Variants in ANO2 observed in about 807,000 individuals in gnomAD.
ANO2 encodes anoctamin-2.
Under a neutral mutation model 124.2 loss-of-function variants are expected in ANO2, and 101 were observed. The ratio of observed to expected loss-of-function variants is 0.81; its 90% CI spans 0.69 to 0.96. The LOEUF (loss-of-function observed/expected upper bound fraction) is 0.96. Ranked by LOEUF, ANO2 falls within the 40% of genes least tolerant of loss-of-function variation. The pLI is 0.00. For synonymous variants in ANO2, 486 were observed against 482.5 expected, an observed-to-expected ratio of 1.01 and a Z score of -0.09; for missense variants, 1,293 against 1,274.5, an observed-to-expected ratio of 1.01 and a Z score of -0.22.
At chr12:5,667,464 G>A (rs1452229621) in intron 14 of ANO2, among the ~76,000 whole-genome samples, 1 of 151,678 alleles carries the variant, frequency 6.6e-6, no homozygotes, top group Non-Finnish European at 1.5e-5. Flanking sequence ...TCAGCTTCTA[G>A]GATTGTATAA....
At chr12:5,700,378 T>C (rs1949353901) in intron 14 of ANO2, among the ~76,000 whole-genome samples, 1 of 152,180 alleles carries the variant, frequency 6.6e-6, no homozygotes, top group Non-Finnish European at 1.5e-5. Flanking sequence ...AATAAAGATG[T>C]TCTTTGAAAC....
chr12:5,740,740 A>G (rs1360688801), intron 12 of ANO2: 1 of 152,212 alleles, frequency 6.6e-6, no homozygotes, highest in Non-Finnish European at 1.5e-5. Context: ...CTACCTGCCT[A>G]CATGTTCAAT....
chr12:5,685,797 A>G (rs2137006430), intron 14 of ANO2, among the ~76,000 whole-genome samples: 1 of 63,212 alleles, frequency 1.6e-5, no homozygotes, highest in Admixed American at 1.8e-4. Context: ...ACAAAACAAA[A>G]CAAAAAACAC....
chr12:5,753,464 C>T (rs765012351), intron 10 of ANO2, among the ~76,000 whole-genome samples: 3 of 152,218 alleles, frequency 2.0e-5, no homozygotes, highest in Non-Finnish European at 4.4e-5. Flanking sequence ...TCTTGCATCA[C>T]TCAGCTTTCA....
In ANO2 at chr12:5,799,532, T is replaced by C. The variant is rs988082880; in HGVS notation, c.1030A>G (p.Lys344Glu). The change falls in exon 10 of 25, where the codon AAG becomes GAG. Residue 344 changes from lysine (K) to glutamate (E), a missense_variant. Coordinates refer to ENST00000682330, the MANE Select transcript of ANO2 (RefSeq NM_001364791.2). ...CTGATGAGGTCAATAGGTTGGAACT[T>C]ATAGAACACTCCATAGCGCGCCCAT... is the stretch of plus-strand genomic sequence containing the variant. ...QEWARYGVFYKFQPIDLIRKY... is the reference protein window; with the variant it reads ...QEWARYGVFYEFQPIDLIRKY... 1.9e-6 allele frequency: 3 copies of C among 1,613,944 alleles called. No individual in the cohort carries two copies. Among genetic ancestry groups the C allele is most frequent in the Non-Finnish European group, 1.7e-6 (2 of 1,179,860 alleles).
chr12:5,921,500 C>T (rs1477866260), intron 2 of ANO2, 134 bp from the exon 3 acceptor site: 4 of 850,574 alleles, frequency 4.7e-6, no homozygotes, highest in East Asian at 5.3e-5. Flanking sequence ...GCCCCCAGTG[C>T]CCCCAGTAAA....
intron 16 of ANO2, among the ~76,000 whole-genome samples, chr12:5,628,964 T>C (rs1462876344): frequency 6.6e-6 from 1 of 152,120 alleles, no homozygotes; most frequent in African/African-American, 2.4e-5. Flanking sequence ...CCTTTCCCCA[T>C]CCCTCCTTTC....
At chr12:5,634,043 T>G (rs74056074) in intron 16 of ANO2, among the ~76,000 whole-genome samples, 5,154 of 152,304 alleles carry the variant, frequency 0.034, 172 homozygotes, top group East Asian at 0.17. Flanking sequence ...CATAGAATCC[T>G]GTCTGTCATT....
At chr12:5,660,405 C>A in intron 14 of ANO2, among the ~76,000 whole-genome samples, 1 of 142,070 alleles carries the variant, frequency 7.0e-6, no homozygotes, top group Non-Finnish European at 1.5e-5. Flanking sequence ...ATCTCAGCCA[C>A]ACTGGCTTCC....
chr12:5,854,372 C>T (rs184146601), intron 3 of ANO2, among the ~76,000 whole-genome samples: 1 of 147,036 alleles, frequency 6.8e-6, no homozygotes, highest in Non-Finnish European at 1.5e-5. Context: ...CAAAGTGTGG[C>T]CCCTGGAAGT....
chr12:5,744,426 C>T (rs1429777841), intron 11 of ANO2, 109 bp from the exon 12 acceptor site: 2 of 1,202,516 alleles, frequency 1.7e-6, no homozygotes, highest in East Asian at 4.9e-5. Context: ...TTGAGTTTTT[C>T]AACTCCATAA....
intron 15 of ANO2, among the ~76,000 whole-genome samples, chr12:5,646,009 T>C (rs1196073775): frequency 6.6e-6 from 1 of 152,250 alleles, no homozygotes; most frequent in Non-Finnish European, 1.5e-5. Flanking sequence ...TAACAAGTTT[T>C]TTCTGCAGTC....
intron 15 of ANO2, among the ~76,000 whole-genome samples, chr12:5,637,829 T>C (rs1946101359): frequency 6.6e-6 from 1 of 152,116 alleles, no homozygotes; most frequent in Non-Finnish European, 1.5e-5. Flanking sequence ...GCTCTGAACC[T>C]CTCGTTTGGT....
rs77240885 is a variant in ANO2, at chr12:5,585,649, C to T, written c.2234-7131G>A. Among the ~76,000 whole-genome samples the T allele has an allele frequency of 8.2e-3, 1,255 of 152,292 alleles. 11 individuals are homozygous for T. Among genetic ancestry groups the T allele is most frequent in the African/African-American group, 0.017 (727 of 41,552 alleles). ...GGTCTGGCTTTCTCACTCTTGTTTACGTTATCCACCTGCAAGATGGGAGTG... is the reference window on the plus strand; with the variant it reads ...GGTCTGGCTTTCTCACTCTTGTTTATGTTATCCACCTGCAAGATGGGAGTG... On this transcript the variant is annotated intron_variant, in intron 20 of 24. Transcript: ENST00000682330.
chr12:5,826,476 A>ATATATC (rs1427598442), intron 7 of ANO2, among the ~76,000 whole-genome samples: 54 of 146,632 alleles, frequency 3.7e-4, no homozygotes, highest in African/African-American at 1.3e-3. Flanking sequence ...ATATATATAT[A>ATATATC]TCCTTGATAT....
At chr12:5,790,410 C>G (rs564059651) in intron 10 of ANO2, among the ~76,000 whole-genome samples, 1 of 152,114 alleles carries the variant, frequency 6.6e-6, no homozygotes, top group South Asian at 2.1e-4. Context: ...AGCTCAGCCC[C>G]GGTGCTTTCT....
chr12:5,871,811 T>C (rs1344177414), intron 3 of ANO2, among the ~76,000 whole-genome samples: 1 of 152,202 alleles, frequency 6.6e-6, no homozygotes, highest in Non-Finnish European at 1.5e-5. Context: ...TTTTTGCTTA[T>C]GTCAGAAACC....
At chr12:5,838,837 C>T (rs912763286) in intron 4 of ANO2, among the ~76,000 whole-genome samples, 1 of 152,236 alleles carries the variant, frequency 6.6e-6, no homozygotes, top group Non-Finnish European at 1.5e-5. Context: ...AGCAGGGACC[C>T]TGCCTGTGTG....
chr12:5,590,856 C>T (rs556928238), intron 20 of ANO2, among the ~76,000 whole-genome samples: 4 of 152,252 alleles, frequency 2.6e-5, no homozygotes, highest in Non-Finnish European at 5.9e-5. Context: ...GGAAGGTCTG[C>T]TGAAAAACCA....
Sources: gnomAD v4.1 joint callset for allele counts (sites outside exome capture counted in the v4.1 genomes callset) on GRCh38, gnomAD v4.1.1 for gene constraint, MANE v1.5 for transcripts, NCBI Gene and HGNC (gene_info 2026-07-23, HGNC 2026-07-21) for gene names.